The following RPL22 variants were observed in gnomAD, a reference collection of about 807,000 sequenced individuals.
RPL22 encodes the protein ribosomal protein L22, also known as large ribosomal subunit protein eL22.
Under a neutral mutation model 16.2 loss-of-function variants are expected in RPL22, and 4 were observed. The ratio of observed to expected loss-of-function variants is 0.25; its 90% CI spans 0.12 to 0.57. The LOEUF (loss-of-function observed/expected upper bound fraction) is 0.57. Ranked by LOEUF, RPL22 falls within the 20% of genes least tolerant of loss-of-function variation. RPL22 has a pLI of 0.92. For missense variants in RPL22, 83 were observed against 156.1 expected, an observed-to-expected ratio of 0.53 and a Z score of 2.49; for synonymous variants, 43 against 54.8, an observed-to-expected ratio of 0.78 and a Z score of 0.95.
chr1:6,199,474 C>A, intron 1 of RPL22, 88 bp downstream of exon 1: 2 of 1,522,100 alleles, frequency 1.3e-6, no homozygotes, highest in Middle Eastern at 2.2e-4. Flanking sequence ...TGCAGGGCGC[C>A]GTCCCCAGCG....
At position 6,186,588 on chromosome 1, in the gene RPL22, C is replaced by T. The variant is rs1667583858; in HGVS notation, c.*84G>A. 1.1e-6 allele frequency: 1 copy of T among 899,384 alleles called. No individual in the cohort carries two copies. The highest frequency in any genetic ancestry group is 1.7e-5 in the African/African-American group (1 of 57,154). 55.7% of individuals were successfully genotyped at this position (899,384 alleles called of 1,614,324 possible). On this transcript the variant is annotated 3_prime_UTR_variant, in exon 4 of 4. Transcript: ENST00000234875. The stretch of plus-strand genomic sequence containing the variant: ...TTTCCAATTTTCTGTTCAATCCACA[C>T]TGCAGAGATACAAGGATAAACCACC...
chr1:6,186,893 C>G (rs529133846), intron 3 of RPL22, 77 bp from the exon 4 acceptor site: 2 of 1,583,806 alleles, frequency 1.3e-6, no homozygotes, highest in East Asian at 2.2e-5. Context: ...TTATAAAACC[C>G]AGCACTCAAA....
intron 3 of RPL22, among the ~76,000 whole-genome samples, chr1:6,189,950 C>A (rs1202530994): frequency 6.6e-6 from 1 of 152,054 alleles, no homozygotes; most frequent in Admixed American, 6.6e-5. Flanking sequence ...AAACCCTGTA[C>A]AAATTCAGAG....
intron 1 of RPL22, 46 bp from the exon 2 acceptor site, chr1:6,197,802 C>T (rs754799980): frequency 1.5e-6 from 2 of 1,341,210 alleles, no homozygotes; most frequent in East Asian, 2.3e-5. Context: ...TTCAGTCAGT[C>T]GGAAAAACAA....
At chr1:6,190,328 T>C (rs183679417) in intron 3 of RPL22, among the ~76,000 whole-genome samples, 17 of 152,376 alleles carry the variant, frequency 1.1e-4, no homozygotes, top group Middle Eastern at 3.4e-3. Context: ...ACAACCAATT[T>C]GTACTAACAT....
Position 6,197,768 on chromosome 1 carries a change from C to T in RPL22, c.13-12G>A, listed in dbSNP as rs1347535292. On this transcript the variant is annotated splice_polypyrimidine_tract_variant and intron_variant, in intron 1 of 3. Transcript: ENST00000234875. ...ACCACAAGCTTTTTCTAAGAAAATA[C>T]ACAAATGATAACAGAGATGAAGTTT... 2 of 1,540,760 alleles carry T rather than the reference C, an allele frequency of 1.3e-6. No homozygotes were observed. Among genetic ancestry groups the T allele is most frequent in the Non-Finnish European group, 1.8e-6 (2 of 1,114,272 alleles).
intron 3 of RPL22, among the ~76,000 whole-genome samples, chr1:6,191,998 CAA>C (rs548085787): frequency 3.3e-4 from 22 of 67,080 alleles, no homozygotes; most frequent in Non-Finnish European, 3.5e-4. Flanking sequence ...GACTCGGTTT[CAA>C]AAAAAAAAAA....
chr1:6,189,353 C>T (rs1667620135), intron 3 of RPL22, among the ~76,000 whole-genome samples: 1 of 152,080 alleles, frequency 6.6e-6, no homozygotes, highest in Non-Finnish European at 1.5e-5. Flanking sequence ...CAATTATTTC[C>T]ACCATATTGT....
chr1:6,196,778 C>T (rs985739003), intron 2 of RPL22, among the ~76,000 whole-genome samples: 1 of 150,452 alleles, frequency 6.6e-6, no homozygotes, highest in Non-Finnish European at 1.5e-5. Flanking sequence ...AGAGCAAGAT[C>T]TGAAGAAAAA....
At chr1:6,195,441 C>T (rs1036020271) in intron 2 of RPL22, among the ~76,000 whole-genome samples, 39 of 144,710 alleles carry the variant, frequency 2.7e-4, no homozygotes, top group Non-Finnish European at 4.7e-4. Flanking sequence ...AGCAAGACTC[C>T]GTCTCAAAAA....
rs1216754012 is a variant in RPL22, at chr1:6,185,072, C to T, written c.*1600G>A. 1 of 362,868 alleles carries T rather than the reference C, an allele frequency of 2.8e-6. No homozygotes were observed. Among genetic ancestry groups the T allele is most frequent in the Non-Finnish European group, 4.9e-6 (1 of 204,470 alleles). The allele number at this position is 362,868 out of a possible 1,614,324, so 22.5% of individuals were successfully genotyped here. On this transcript the variant is annotated 3_prime_UTR_variant, in exon 4 of 4. Coordinates refer to ENST00000234875, the MANE Select transcript of RPL22 (RefSeq NM_000983.4). ...ACTTTAATAGAAAATATGATCAAAA[C>T]TCGATTACAAGAGTTCAAAAAGACA...
At chr1:6,190,679 C>T (rs762635856) in intron 3 of RPL22, among the ~76,000 whole-genome samples, 4 of 152,186 alleles carry the variant, frequency 2.6e-5, no homozygotes, top group African/African-American at 9.7e-5. Flanking sequence ...TCCTAACAGG[C>T]CACAGCCCCA....
At chr1:6,188,561 A>G (rs1667610326) in intron 3 of RPL22, among the ~76,000 whole-genome samples, 1 of 150,688 alleles carries the variant, frequency 6.6e-6, no homozygotes, top group Non-Finnish European at 1.5e-5. Context: ...AAAAAAAAAG[A>G]TGAAGTGCAC....
intron 1 of RPL22, chr1:6,199,250 C>T (rs1236334819): frequency 1.3e-5 from 6 of 452,864 alleles, no homozygotes; most frequent in Non-Finnish European, 2.1e-5. Flanking sequence ...GTAATCAGGC[C>T]CCCGGCCGGG....
intron 3 of RPL22, among the ~76,000 whole-genome samples, chr1:6,188,008 T>C (rs1230108271): frequency 6.6e-6 from 1 of 152,032 alleles, no homozygotes; most frequent in Non-Finnish European, 1.5e-5. Context: ...AATTGCTGCT[T>C]TAGCCAGGTG....
chr1:6,196,419 A>G (rs1177949306), intron 2 of RPL22, among the ~76,000 whole-genome samples: 4 of 152,246 alleles, frequency 2.6e-5, no homozygotes, highest in African/African-American at 9.6e-5. Context: ...AGATGCAAAC[A>G]GCATCTACAT....
intron 1 of RPL22, 163 bp downstream of exon 1, chr1:6,199,399 G>A (rs994131088): frequency 3.9e-5 from 54 of 1,370,346 alleles, no homozygotes; most frequent in Non-Finnish European, 4.8e-5. Context: ...CGCCTACAAC[G>A]TGCTGGGATC....
chr1:6,186,956 CAA>C (rs2100900456), intron 3 of RPL22, 140 bp from the exon 4 acceptor site: 1 of 1,176,482 alleles, frequency 8.5e-7, no homozygotes, highest in East Asian at 2.5e-5. Context: ...AAAGGTAAGG[CAA>C]ATACACCCAG....
In RPL22 at chr1:6,197,699, C is replaced by CAAGAGTGA; in HGVS notation, c.62_69dup (p.Asp24SerfsTer9). 1 of 1,613,992 alleles carries CAAGAGTGA rather than the reference C, an allele frequency of 6.2e-7. No homozygotes were observed. The highest frequency in any genetic ancestry group is 8.5e-7 in the Non-Finnish European group (1 of 1,179,926). The stretch of plus-strand genomic sequence containing the variant: ...CCATCTTCTACAGGGTGGGTGCAAT[C>CAAGAGTGA]AAGAGTGAACTTCAGAACTTGCTTC... On this transcript the variant is annotated frameshift_variant, in exon 2 of 4. Transcript: ENST00000234875. LOFTEE classifies it high-confidence loss of function.
Sources: gnomAD v4.1 joint callset for allele counts (sites outside exome capture counted in the v4.1 genomes callset) on GRCh38, gnomAD v4.1.1 for gene constraint, MANE v1.5 for transcripts, NCBI Gene and HGNC (gene_info 2026-07-23, HGNC 2026-07-21) for gene names.